Variants in SLC23A2 observed in about 807,000 individuals in gnomAD.
SLC23A2 encodes the protein Na(+)/L-ascorbic acid transporter 2.
SLC23A2 carries 36 observed loss-of-function variants against 73.3 expected under a neutral mutation model. That is an observed-to-expected ratio of 0.49 (90% confidence interval 0.38 to 0.65). The LOEUF (loss-of-function observed/expected upper bound fraction) is 0.65. Ranked by LOEUF, SLC23A2 falls within the 30% of genes least tolerant of loss-of-function variation. SLC23A2 has a pLI of 0.00. For synonymous variants in SLC23A2, 343 were observed against 327.3 expected (o/e 1.05, Z -0.52); for missense variants, 507 against 841.6 (o/e 0.60, Z 4.92).
At chr20:4,866,207 CGTT>C (rs1439701376) in intron 13 of SLC23A2, among the ~76,000 whole-genome samples, 1 of 152,170 alleles carries the variant, frequency 6.6e-6, no homozygotes, top group African/African-American at 2.4e-5. Context: ...CTCTGTAAAT[CGTT>C]GTCAGACTGC....
In SLC23A2 at chr20:4,865,888, A is replaced by T. The variant is rs1351254860; in HGVS notation, c.1356+1882T>A. 2.0e-5 allele frequency among the ~76,000 whole-genome samples: 3 copies of T among 151,984 alleles called. No individual in the cohort carries two copies. In the East Asian group the frequency reaches 5.8e-4, roughly 29 times the overall value. ...CGCTCTGTCACCCAGGCTGGAGTGC[A>T]GTGGCATGATCTCAGCTCACTGCAA... On this transcript the variant is annotated intron_variant, in intron 13 of 16. Transcript: ENST00000338244.
chr20:4,933,496 G>A (rs1347439059), intron 2 of SLC23A2, among the ~76,000 whole-genome samples: 1 of 151,964 alleles, frequency 6.6e-6, no homozygotes, highest in East Asian at 1.9e-4. Flanking sequence ...AGGAGTGGTG[G>A]TGCACGCCTG....
chr20:4,952,939 C>T (rs2087224990), intron 2 of SLC23A2, among the ~76,000 whole-genome samples: 1 of 151,924 alleles, frequency 6.6e-6, no homozygotes, highest in Admixed American at 6.6e-5. Flanking sequence ...AGGAGAATTG[C>T]TTGAACCCGG....
chr20:4,899,065 A>C lies in SLC23A2; in HGVS notation c.482+490T>G. ...TGGAAGTGGGGCAGAGAGCAAGGGC[A>C]AGCCTAAATGCTGGGTGCAGCCTGG... On this transcript the variant is annotated intron_variant, in intron 6 of 16. Transcript: ENST00000338244. This position sits in a 1 kb window ranked among gnomAD's most constrained non-coding sequence, Gnocchi z 4.9. 6.6e-6 allele frequency among the ~76,000 whole-genome samples: 1 copy of C among 152,184 alleles called. No homozygotes were observed. The highest frequency in any genetic ancestry group is 1.9e-4 in the East Asian group (1 of 5,190).
chr20:4,903,577 T>A (rs1314706261), intron 4 of SLC23A2, among the ~76,000 whole-genome samples: 1 of 152,172 alleles, frequency 6.6e-6, no homozygotes, highest in Non-Finnish European at 1.5e-5. Context: ...TCCACCCACA[T>A]GGAGGCAACA....
chr20:5,004,024 C>T (rs935024380), upstream of SLC23A2, among the ~76,000 whole-genome samples: 1 of 152,008 alleles, frequency 6.6e-6, no homozygotes, highest in African/African-American at 2.4e-5. Context: ...TTAGTTTCCC[C>T]TCATATCTCC....
chr20:4,871,195 A>G (rs1047602130), intron 11 of SLC23A2, among the ~76,000 whole-genome samples: 1 of 152,212 alleles, frequency 6.6e-6, no homozygotes, highest in African/African-American at 2.4e-5. Flanking sequence ...TGGCTAAAAC[A>G]TGGTCTCTCA....
intron 1 of SLC23A2, among the ~76,000 whole-genome samples, chr20:4,985,517 G>A (rs1424497745): frequency 2.7e-5 from 4 of 150,896 alleles, no homozygotes; most frequent in Non-Finnish European, 5.9e-5. Flanking sequence ...GCATGATCTC[G>A]GCTCACTGCA....
At chr20:4,984,235 T>C (rs2087782689) in intron 1 of SLC23A2, among the ~76,000 whole-genome samples, 1 of 152,174 alleles carries the variant, frequency 6.6e-6, no homozygotes, top group South Asian at 2.1e-4. Flanking sequence ...AAGAAGCCAC[T>C]GCACTCCAGA....
chr20:4,984,431 G>A (rs1203418914), intron 1 of SLC23A2, among the ~76,000 whole-genome samples: 1 of 151,960 alleles, frequency 6.6e-6, no homozygotes, highest in Non-Finnish European at 1.5e-5. Flanking sequence ...GTGGGCGCCT[G>A]TAGTCCCAGC....
chr20:4,955,003 T>A (rs1232754852), intron 2 of SLC23A2, among the ~76,000 whole-genome samples: 1 of 152,054 alleles, frequency 6.6e-6, no homozygotes, highest in East Asian at 1.9e-4. Context: ...GTAATTTCAT[T>A]GTTTTGGGAG....
Position 4,872,136 on chromosome 20 carries a change from C to T in SLC23A2, c.1102+1800G>A, listed in dbSNP as rs779427750. 6.6e-6 allele frequency among the ~76,000 whole-genome samples: 1 copy of T among 152,140 alleles called. No homozygotes were observed. The highest frequency in any genetic ancestry group is 1.5e-5 in the Non-Finnish European group (1 of 68,016). On this transcript the variant is annotated intron_variant, in intron 11 of 16. Transcript: ENST00000338244. The surrounding 1 kb of genome is among the most constrained non-coding windows in gnomAD (Gnocchi z 4.4). Reference sequence around the variant, plus strand: ...GGTTTTTCAACCTCAGCACTGTTGACATTTTGCACCAGAAATCTGTATTAT... The same window carrying T: ...GGTTTTTCAACCTCAGCACTGTTGATATTTTGCACCAGAAATCTGTATTAT...
At chr20:4,870,729 C>T (rs558768401) in intron 11 of SLC23A2, among the ~76,000 whole-genome samples, 2 of 152,282 alleles carry the variant, frequency 1.3e-5, no homozygotes, top group African/African-American at 4.8e-5. Flanking sequence ...ATTTATAGCC[C>T]TGCTGTACAG....
rs1162746475 is a variant in SLC23A2, at chr20:4,857,428, A to G, written c.1721-224T>C. Among the ~76,000 whole-genome samples, 1 of 152,072 alleles carries G rather than the reference A, an allele frequency of 6.6e-6. No homozygotes were observed. Among genetic ancestry groups the G allele is most frequent in the African/African-American group, 2.4e-5 (1 of 41,416 alleles). The stretch of plus-strand genomic sequence containing the variant: ...TATCCAGTGCCCAAACCAGAAGTCT[A>G]AGAAGCACTAACCCCTCCATGTCCT... On this transcript the variant is annotated intron_variant, in intron 16 of 16. Coordinates refer to ENST00000338244, the MANE Select transcript of SLC23A2 (RefSeq NM_005116.6). This position sits in a 1 kb window ranked among gnomAD's most constrained non-coding sequence, Gnocchi z 4.0.
In SLC23A2 at chr20:4,870,025, C is replaced by A. The variant is rs372443688; in HGVS notation, c.1131G>T (p.Ala377=). Residue 377 remains alanine, a synonymous_variant, in exon 12 of 17, where the codon GCG becomes GCT. Transcript: ENST00000338244. The part of the protein sequence containing the change: ...PFQWGLPTVS[A]AGVIGMLSAV... ...CACTGAGCATGCCGATGACACCGGC[C>A]GCAGACACGGTGGGCAGTCCCCACT... is the stretch of plus-strand genomic sequence containing the variant. 2 of 1,611,742 alleles carry A rather than the reference C, an allele frequency of 1.2e-6. No homozygotes were observed. The highest frequency in any genetic ancestry group is 1.1e-5 in the South Asian group (1 of 90,736).
intron 1 of SLC23A2, among the ~76,000 whole-genome samples, chr20:5,008,923 C>A (rs1361437342): frequency 6.6e-6 from 1 of 152,058 alleles, no homozygotes; most frequent in Non-Finnish European, 1.5e-5. Flanking sequence ...ATCATCTCCC[C>A]TTCTCAGCTC....
intron 2 of SLC23A2, among the ~76,000 whole-genome samples, chr20:4,967,695 T>C (rs916945155): frequency 6.6e-6 from 1 of 152,250 alleles, no homozygotes; most frequent in South Asian, 2.1e-4. Context: ...ATAGGCCTCT[T>C]GGAAATCAGG....
At position 4,924,264 on chromosome 20, in the gene SLC23A2, C is replaced by T. The variant is rs193205540; in HGVS notation, c.108+8191G>A. 2.8e-4 allele frequency among the ~76,000 whole-genome samples: 43 copies of T among 152,328 alleles called. No homozygotes were observed. In the East Asian group the frequency reaches 6.4e-3, roughly 23 times the overall value. ...AGCTCTCGGCCACACCTCCAGCCAACCCTTCCTCCACTGTGGCTCCTCCCC... is the reference window on the plus strand; with the variant it reads ...AGCTCTCGGCCACACCTCCAGCCAATCCTTCCTCCACTGTGGCTCCTCCCC... On this transcript the variant is annotated intron_variant, in intron 3 of 16. Coordinates refer to ENST00000338244, the MANE Select transcript of SLC23A2 (RefSeq NM_005116.6).
At chr20:4,940,907 G>A (rs529924284) in intron 2 of SLC23A2, among the ~76,000 whole-genome samples, 2 of 152,326 alleles carry the variant, frequency 1.3e-5, no homozygotes, top group South Asian at 4.1e-4. Context: ...TGTAATCCCA[G>A]CACTTCGGGA....
Sources: allele counts gnomAD v4.1 joint callset (sites outside exome capture counted in the v4.1 genomes callset), GRCh38; gene constraint gnomAD v4.1.1; non-coding constraint Gnocchi (gnomAD v3.1); transcripts MANE v1.5; gene names NCBI Gene and HGNC (gene_info 2026-07-23, HGNC 2026-07-21).